Variants in PCDHGA1 observed in about 807,000 individuals in gnomAD.
PCDHGA1 encodes protocadherin gamma subfamily A, 1, also known as protocadherin gamma-A1.
In PCDHGA1, 32 loss-of-function variants were observed where a neutral mutation model predicts 58.0. That is an observed-to-expected ratio of 0.55 (90% CI 0.42 to 0.74). The LOEUF (loss-of-function observed/expected upper bound fraction) is 0.74, where lower values mean the gene tolerates loss of function less well. PCDHGA1 is among the 30% of genes least tolerant of loss of function. The pLI, the probability that PCDHGA1 is intolerant of heterozygous loss-of-function variation, is 0.00. For synonymous variants in PCDHGA1, 498 were observed against 501.1 expected, an observed-to-expected ratio of 0.99 and a Z score of 0.08; for missense variants, 1,205 against 1,182.3, an observed-to-expected ratio of 1.02 and a Z score of -0.28.
intron 1 of PCDHGA1, chr5:141,393,064 T>C: frequency 6.2e-7 from 1 of 1,613,630 alleles, no homozygotes. Flanking sequence ...AGCGGCAGCT[T>C]GATCACCGCG....
chr5:141,475,935 C>CCCGT, intron 1 of PCDHGA1: 1 of 669,050 alleles, frequency 1.5e-6, no homozygotes, highest in Middle Eastern at 4.2e-4. Flanking sequence ...CGGGCCCCTG[C>CCCGT]CCGTCCCCTT....
At chr5:141,364,952 C>G in intron 1 of PCDHGA1, 1 of 1,613,948 alleles carries the variant, frequency 6.2e-7, no homozygotes, top group Non-Finnish European at 8.5e-7. Context: ...AGAGACTGTT[C>G]ACGACCTCCT....
At chr5:141,382,896 G>C (rs754850386) in intron 1 of PCDHGA1, 13 of 1,537,678 alleles carry the variant, frequency 8.5e-6, no homozygotes, top group Non-Finnish European at 1.1e-5. Context: ...GAAGCAGGAC[G>C]ACTATGGCGG....
chr5:141,362,158 C>G, intron 1 of PCDHGA1: 1 of 1,614,034 alleles, frequency 6.2e-7, no homozygotes, highest in South Asian at 1.1e-5. Flanking sequence ...ATTGCCAGAC[C>G]TCAGCGACCG....
chr5:141,433,843 A>C (rs2097657951), intron 1 of PCDHGA1, among the ~76,000 whole-genome samples: 1 of 151,956 alleles, frequency 6.6e-6, no homozygotes, highest in African/African-American at 2.4e-5. Context: ...ATCTCAAAAA[A>C]AAAAAAAAAA....
At chr5:141,475,871 A>G (rs568810142) in intron 1 of PCDHGA1, 17 of 513,152 alleles carry the variant, frequency 3.3e-5, no homozygotes, top group Middle Eastern at 5.1e-4. Context: ...TTCTTCGTGC[A>G]GTTATTGGCT....
intron 1 of PCDHGA1, among the ~76,000 whole-genome samples, chr5:141,444,357 G>C (rs1258703336): frequency 3.3e-5 from 5 of 151,798 alleles, no homozygotes; most frequent in African/African-American, 9.7e-5. Flanking sequence ...TTTTAGTAGA[G>C]ACGGGGTTTC....
At chr5:141,399,864 G>A (rs762765678) in intron 1 of PCDHGA1, 1 of 1,612,860 alleles carries the variant, frequency 6.2e-7, no homozygotes. Flanking sequence ...GCGCTGCAGA[G>A]CCCGGCTACC....
Position 141,333,232 on chromosome 5 carries a change from G to A in PCDHGA1, c.2421+127G>A. 4 of 1,392,300 alleles carry A rather than the reference G, an allele frequency of 2.9e-6. 1 individual carries two copies. Among genetic ancestry groups the A allele is most frequent in the Non-Finnish European group, 3.9e-6 (4 of 1,019,020 alleles). The allele number at this position is 1,392,300 out of a possible 1,614,324, so 86.2% of individuals were successfully genotyped here. ...GTATCTTTGTAGCTTTTTATTACAAGTCCTGCAAAATCACGATTGAGTCTA... is the reference window on the plus strand; with the variant it reads ...GTATCTTTGTAGCTTTTTATTACAAATCCTGCAAAATCACGATTGAGTCTA... On this transcript the variant is annotated intron_variant, in intron 1 of 3. Transcript: ENST00000517417.
intron 1 of PCDHGA1, 115 bp from the exon 2 acceptor site, chr5:141,494,692 C>G: frequency 6.3e-7 from 1 of 1,581,934 alleles, no homozygotes; most frequent in South Asian, 1.1e-5. Context: ...CCTCTTAGTC[C>G]GTTTTCTTCT....
chr5:141,357,280 G>T (rs375096659), intron 1 of PCDHGA1: 9 of 1,613,820 alleles, frequency 5.6e-6, no homozygotes, highest in Non-Finnish European at 7.6e-6. Context: ...ACTCTATCTC[G>T]TGGTGGCAGT....
intron 1 of PCDHGA1, chr5:141,409,290 G>T: frequency 6.2e-7 from 1 of 1,613,974 alleles, no homozygotes; most frequent in Non-Finnish European, 8.5e-7. Flanking sequence ...TCACCTCCAG[G>T]AATGGTTGTT....
At chr5:141,459,694 T>A (rs767389870) in intron 1 of PCDHGA1, among the ~76,000 whole-genome samples, 1 of 152,252 alleles carries the variant, frequency 6.6e-6, no homozygotes, top group Non-Finnish European at 1.5e-5. Context: ...AGCGTTCCGC[T>A]TGCTACATTT....
At chr5:141,500,184 TTTTATTTATTTA>T (rs58019021) in intron 2 of PCDHGA1, among the ~76,000 whole-genome samples, 197 of 135,960 alleles carry the variant, frequency 1.4e-3, no homozygotes, top group African/African-American at 3.6e-3. Context: ...TCATTTTTAT[TTTTATTTATTTA>T]TTTATTTATT....
At chr5:141,405,441 A>G (rs1049992632) in intron 1 of PCDHGA1, 1 of 1,376,552 alleles carries the variant, frequency 7.3e-7, no homozygotes, top group Non-Finnish European at 1.0e-6. Context: ...TGTTTTTGAG[A>G]CAGAGTCTTA....
intron 1 of PCDHGA1, chr5:141,419,522 C>T (rs781128524): frequency 1.5e-5 from 24 of 1,612,178 alleles, no homozygotes; most frequent in Non-Finnish European, 1.9e-5. Flanking sequence ...GGTGGGCGAC[C>T]GTAACGACAA....
rs1410419839 is a variant in PCDHGA1 at position 141,429,391 on chromosome 5, A to ATTTT, written c.2422-65416_2422-65415insTTTT. Among the ~76,000 whole-genome samples, 380 of 151,312 alleles carry ATTTT rather than the reference A, an allele frequency of 2.5e-3. 1 individual carries two copies. The highest frequency in any genetic ancestry group is 4.2e-3 in the South Asian group (20 of 4,768). On this transcript the variant is annotated intron_variant, in intron 1 of 3. Coordinates refer to ENST00000517417, the MANE Select transcript of PCDHGA1 (RefSeq NM_018912.3). The stretch of plus-strand genomic sequence containing the variant: ...GGAGAAAATGTGTTTTTTTTTTAAA[A>ATTTT]AAAATTGAGATTAAGGTCTCATTAT...
rs1468210173 is a variant in PCDHGA1 at position 141,512,170 on chromosome 5, A to T, written c.*997A>T. 1 of 152,720 alleles carries T rather than the reference A, an allele frequency of 6.5e-6. No homozygotes were observed. The highest frequency in any genetic ancestry group is 1.5e-5 in the Non-Finnish European group (1 of 68,120). The allele number at this position is 152,720 out of a possible 1,614,324, so 9.5% of individuals were successfully genotyped here. On this transcript the variant is annotated 3_prime_UTR_variant, in exon 4 of 4. Coordinates refer to ENST00000517417, the MANE Select transcript of PCDHGA1 (RefSeq NM_018912.3). ...TGGGCTGAGCTAACAGGACCAATGG[A>T]TTAAACTGGCATTTCAGTCCAAGGA...
chr5:141,362,391 C>A, intron 1 of PCDHGA1: 2 of 1,614,058 alleles, frequency 1.2e-6, no homozygotes, highest in Admixed American at 3.3e-5. Flanking sequence ...CCTATTCCTA[C>A]AACCTGTGTG....
Sources: gnomAD v4.1 joint callset for allele counts (sites outside exome capture counted in the v4.1 genomes callset) on GRCh38, gnomAD v4.1.1 for gene constraint, MANE v1.5 for transcripts, NCBI Gene and HGNC (gene_info 2026-07-23, HGNC 2026-07-21) for gene names.